Variants in PECAM1 observed in about 807,000 individuals in gnomAD.
PECAM1 encodes the protein platelet and endothelial cell adhesion molecule 1.
Under a neutral mutation model 13.8 loss-of-function variants are expected in PECAM1, and 8 were observed. The ratio of observed to expected loss-of-function variants is 0.58; its 90% CI spans 0.34 to 1.05. The LOEUF is 1.05. Among genes scored for constraint, PECAM1 ranks in the 50% least tolerant of loss-of-function variants. The pLI is 0.03. For missense variants in PECAM1, 304 were observed against 141.2 expected, an observed-to-expected ratio of 2.15 and a Z score of -5.84; for synonymous variants, 136 against 52.6, an observed-to-expected ratio of 2.58 and a Z score of -6.86.
intron 13 of PECAM1, among the ~76,000 whole-genome samples, chr17:64,345,694 C>T (rs2035546638): frequency 8.1e-6 from 1 of 122,814 alleles, no homozygotes; most frequent in African/African-American, 3.1e-5. Flanking sequence ...GCCTGGGCAA[C>T]AAGAGCAAGA....
intron 14 of PECAM1, among the ~76,000 whole-genome samples, chr17:64,331,162 A>G (rs1306195495): frequency 6.6e-6 from 1 of 150,826 alleles, no homozygotes; most frequent in Non-Finnish European, 1.5e-5. Flanking sequence ...TCCCCTCAGG[A>G]GTCTCCTCTC....
intron 14 of PECAM1, among the ~76,000 whole-genome samples, chr17:64,332,283 C>T (rs1195538970): frequency 2.6e-5 from 4 of 152,128 alleles, no homozygotes; most frequent in African/African-American, 9.7e-5. Context: ...GGACAGCACC[C>T]CCAATGCAAA....
chr17:64,348,129 C>T, intron 13 of PECAM1, 131 bp downstream of exon 13: 1 of 408,392 alleles, frequency 2.4e-6, no homozygotes. Context: ...GCCGGTAGGT[C>T]TGCTAATCAC....
intron 14 of PECAM1, among the ~76,000 whole-genome samples, chr17:64,335,875 G>A (rs1290347544): frequency 6.6e-6 from 1 of 152,172 alleles, no homozygotes; most frequent in Non-Finnish European, 1.5e-5. Context: ...AAAGAAATCT[G>A]CAGTCTACAG....
intron 14 of PECAM1, among the ~76,000 whole-genome samples, chr17:64,332,207 A>C (rs1597994983): frequency 6.6e-6 from 1 of 152,138 alleles, no homozygotes; most frequent in East Asian, 1.9e-4. Flanking sequence ...CAACAGCCAA[A>C]TGATGAATCA....
rs952903158 is a variant in PECAM1 at position 64,335,827 on chromosome 17, T to C, written c.2164+5807A>G. 2.4e-4 allele frequency among the ~76,000 whole-genome samples: 37 copies of C among 152,210 alleles called. 1 individual carries two copies. Among genetic ancestry groups the C allele is most frequent in the African/African-American group, 8.4e-4 (35 of 41,506 alleles). ...GGAAGGGACCCGCCCAACCGCAAGA[T>C]AATTAGAGTATAGGGAGAAAACAAT... is the stretch of plus-strand genomic sequence containing the variant. On this transcript the variant is annotated intron_variant, in intron 14 of 15. Coordinates refer to ENST00000563924, the MANE Select transcript of PECAM1 (RefSeq NM_000442.5).
At chr17:64,343,822 G>A (rs905232454) in intron 13 of PECAM1, among the ~76,000 whole-genome samples, 3 of 152,184 alleles carry the variant, frequency 2.0e-5, no homozygotes, top group African/African-American at 4.8e-5. Context: ...CCAGATGTGG[G>A]GGCCTCAAGG....
intron 5 of PECAM1, 108 bp from the exon 6 acceptor site, chr17:64,363,505 A>T (rs1411325890): frequency 6.4e-6 from 3 of 466,076 alleles, no homozygotes; most frequent in Admixed American, 6.3e-5. Flanking sequence ...CCAACTTCCA[A>T]CTTCCAGCAA....
intron 7 of PECAM1, among the ~76,000 whole-genome samples, chr17:64,358,914 AG>A (rs2035909228): frequency 5.9e-5 from 9 of 151,708 alleles, no homozygotes; most frequent in Non-Finnish European, 1.3e-4. Flanking sequence ...CTTGTGCCTC[AG>A]CCTCCCGAGT....
In PECAM1 at chr17:64,359,463, G is replaced by T. The variant is rs1194440436; in HGVS notation, c.1492+677C>A. ...CTGCTGCAGAATTCACACAAGGCAG[G>T]GTTGCCCGGCTAGGAGTCACAACAG... On this transcript the variant is annotated intron_variant, in intron 7 of 15. Transcript: ENST00000563924. 2.0e-5 allele frequency among the ~76,000 whole-genome samples: 3 copies of T among 152,104 alleles called. No homozygotes were observed. The East Asian group carries it at 5.8e-4, about 29-fold the overall frequency.
At chr17:64,361,140 T>TGTGTGTGTGTGA (rs1474532272) in intron 6 of PECAM1, among the ~76,000 whole-genome samples, 1 of 150,320 alleles carries the variant, frequency 6.7e-6, no homozygotes, top group African/African-American at 2.5e-5. Context: ...TGTGTGTGTG[T>TGTGTGTGTGTGA]GTGTGTGTGT....
chr17:64,321,601 A>G lies in PECAM1; in HGVS notation c.*2215T>C, dbSNP rs1382133987. ...GGTGAAACCTCATCTCTGCAAAAAA[A>G]AAATTAAAAATTAGCCAGCTATGGC... On this transcript the variant is annotated 3_prime_UTR_variant, in exon 16 of 16. Transcript: ENST00000563924. The G allele has an allele frequency of 2.0e-6, 1 of 493,654 alleles. No individual in the cohort carries two copies. The highest frequency in any genetic ancestry group is 1.1e-4 in the East Asian group (1 of 9,452). 30.6% of individuals were successfully genotyped at this position (493,654 alleles called of 1,614,324 possible). A position where few individuals can be genotyped will look rare whatever the true frequency, so the allele number is the denominator to read the frequency against.
intron 2 of PECAM1, chr17:64,378,944 C>T (rs2143882950): frequency 6.6e-6 from 1 of 152,418 alleles, no homozygotes; most frequent in East Asian, 1.9e-4. Flanking sequence ...TGGTCGTGCC[C>T]AGGCCCTCCT....
intron 4 of PECAM1, among the ~76,000 whole-genome samples, chr17:64,374,217 C>T (rs1278724906): frequency 5.3e-5 from 8 of 152,142 alleles, no homozygotes; most frequent in African/African-American, 1.9e-4. Context: ...AGGCTGGGCA[C>T]GGTGGCTCAC....
chr17:64,367,550 CAA>C (rs1178085807), intron 5 of PECAM1, among the ~76,000 whole-genome samples: 63 of 97,732 alleles, frequency 6.4e-4, no homozygotes, highest in Middle Eastern at 5.5e-3. Context: ...AACTCCATCT[CAA>C]AAAAAAAAAA....
At chr17:64,353,361 A>G in intron 10 of PECAM1, 130 bp downstream of exon 10, 1 of 405,092 alleles carries the variant, frequency 2.5e-6, no homozygotes, top group African/African-American at 2.1e-5. Flanking sequence ...CACAACTCAC[A>G]CCCAAGGAAG....
At chr17:64,340,992 G>A (rs1313264336) in intron 14 of PECAM1, among the ~76,000 whole-genome samples, 1 of 152,036 alleles carries the variant, frequency 6.6e-6, no homozygotes, top group Non-Finnish European at 1.5e-5. Flanking sequence ...AGCTACTCAG[G>A]AGGCTGAGGC....
At chr17:64,331,564 G>A (rs1338419941) in intron 14 of PECAM1, among the ~76,000 whole-genome samples, 2 of 152,250 alleles carry the variant, frequency 1.3e-5, no homozygotes, top group Non-Finnish European at 2.9e-5. Flanking sequence ...GGTCCCAACC[G>A]GATGTCAGCA....
At chr17:64,355,361 G>C (rs2035822633) in intron 8 of PECAM1, among the ~76,000 whole-genome samples, 3 of 152,196 alleles carry the variant, frequency 2.0e-5, no homozygotes, top group Admixed American at 6.6e-5. Context: ...GCTGATGACA[G>C]CTCACTGCAG....
Sources: allele counts gnomAD v4.1 joint callset (sites outside exome capture counted in the v4.1 genomes callset), GRCh38; gene constraint gnomAD v4.1.1; transcripts MANE v1.5; gene names NCBI Gene and HGNC (gene_info 2026-07-23, HGNC 2026-07-21).